The following LMTK3 variants were observed in gnomAD, a reference collection of about 807,000 sequenced individuals.
LMTK3 encodes lemur tail kinase 3, also known as serine/threonine-protein kinase LMTK3.
A neutral mutation model predicts 116.7 loss-of-function variants in LMTK3; 27 were observed. The ratio of observed to expected loss-of-function variants is 0.23; its 90% confidence interval spans 0.17 to 0.32. LMTK3 has a LOEUF of 0.32. LMTK3 is among the 10% of genes least tolerant of loss of function. The pLI is 1.00. For synonymous variants in LMTK3, 965 were observed against 971.0 expected, an observed-to-expected ratio of 0.99 and a Z score of 0.11; for missense variants, 1,764 against 2,068.5, an observed-to-expected ratio of 0.85 and a Z score of 2.86.
chr19:48,496,965 A>C (rs2147539449), intron 11 of LMTK3, among the ~76,000 whole-genome samples: 1 of 152,116 alleles, frequency 6.6e-6, no homozygotes, highest in South Asian at 2.1e-4. Context: ...CTGAAGCCCC[A>C]CTCTGCCTCC....
chr19:48,511,384 T>G, intron 1 of LMTK3, 117 bp downstream of exon 1: 2 of 357,066 alleles, frequency 5.6e-6, no homozygotes, highest in Non-Finnish European at 4.8e-6. Context: ...CCTGCTGGGC[T>G]GCGGGAAGAC....
chr19:48,498,637 C>T lies in LMTK3; in HGVS notation c.2432G>A (p.Gly811Glu). 1 of 1,541,882 alleles carries T rather than the reference C, an allele frequency of 6.5e-7. No homozygotes were observed. Among genetic ancestry groups the T allele is most frequent in the Middle Eastern group, 1.7e-4 (1 of 5,726 alleles). Reference sequence around the variant, plus strand: ...AGGGACCCCTTCCTCCTCGGCCGCCCCCCCACCTGGGAAGGCTCCCTCTGG... The same window carrying T: ...AGGGACCCCTTCCTCCTCGGCCGCCTCCCCACCTGGGAAGGCTCCCTCTGG... ...FSPEGAFPGGGAAEEEGVPRP... is the reference protein window; with the variant it reads ...FSPEGAFPGGEAAEEEGVPRP... The change falls in exon 11 of 15, where the codon GGG becomes GAG. Residue 811 changes from glycine (G) to glutamate (E), a missense_variant. Gly to Glu is a moderately conservative substitution (Grantham distance 98, BLOSUM62 -2). Around this residue, in one of 7 missense-constraint regions of LMTK3, gnomAD observed 1,028 missense variants for 1,050.6 expected, o/e 0.98. Coordinates refer to ENST00000600059, the MANE Select transcript of LMTK3 (RefSeq NM_001388485.1).
intron 14 of LMTK3, among the ~76,000 whole-genome samples, chr19:48,486,002 C>T (rs962697261): frequency 6.6e-6 from 1 of 151,764 alleles, no homozygotes; most frequent in African/African-American, 2.4e-5. Context: ...CGGTCCGACC[C>T]CTGGGTCTTT....
intron 5 of LMTK3, 91 bp downstream of exon 5, chr19:48,508,760 G>T: frequency 2.0e-6 from 2 of 985,948 alleles, no homozygotes; most frequent in Non-Finnish European, 3.3e-6. Flanking sequence ...AACCGGAAGA[G>T]GTAGATTCCA....
At chr19:48,489,642 G>C (rs988123585) in intron 14 of LMTK3, among the ~76,000 whole-genome samples, 4 of 152,212 alleles carry the variant, frequency 2.6e-5, no homozygotes, top group African/African-American at 9.7e-5. Flanking sequence ...GCGCTGTGCT[G>C]CATACTCGGG....
intron 1 of LMTK3, among the ~76,000 whole-genome samples, 166 bp downstream of exon 1, chr19:48,511,335 G>A (rs889588132): frequency 5.6e-5 from 8 of 143,898 alleles, no homozygotes; most frequent in Admixed American, 6.8e-5. Flanking sequence ...CCCTCCCACA[G>A]GCCCTGCTGA....
rs981820377 is a variant in LMTK3 at position 48,497,418 on chromosome 19, A to G, written c.3651T>C (p.Pro1217=). 1.2e-5 allele frequency: 18 copies of G among 1,534,174 alleles called. No individual in the cohort carries two copies. Among genetic ancestry groups the G allele is most frequent in the Non-Finnish European group, 1.6e-5 (18 of 1,144,198 alleles). ...CTTTGATCTGCTCGCTGTTCCCCTG[A>G]GGGGGTCCCAAGTCCAAGAATAGTC... ...MPRLFLDLGP[P]QGNSEQIKAR... is the part of the protein sequence containing the mutation. Residue 1217 remains proline (P), a synonymous_variant, in exon 11 of 15, where the codon CCT becomes CCC. Transcript: ENST00000600059. The surrounding 1 kb of genome is among the most constrained non-coding windows in gnomAD (Gnocchi z 5.7).
At chr19:48,496,119 G>T (rs1972317889) in intron 11 of LMTK3, among the ~76,000 whole-genome samples, 1 of 151,474 alleles carries the variant, frequency 6.6e-6, no homozygotes, top group Non-Finnish European at 1.5e-5. Context: ...GTTTTGTTTT[G>T]TTTTGTTTGA....
At chr19:48,503,967 A>G (rs1458889460) in intron 5 of LMTK3, among the ~76,000 whole-genome samples, 1 of 151,816 alleles carries the variant, frequency 6.6e-6, no homozygotes, top group Non-Finnish European at 1.5e-5. Context: ...TCCCGGGTTC[A>G]AGCGATTCTC....
chr19:48,511,565 G>A lies in LMTK3; in HGVS notation c.12C>T (p.Pro4=). 1 of 1,432,244 alleles carries A rather than the reference G, an allele frequency of 7.0e-7. No individual in the cohort carries two copies. Among genetic ancestry groups the A allele is most frequent in the South Asian group, 1.5e-5 (1 of 67,768 alleles). 88.7% of individuals were successfully genotyped at this position (1,432,244 alleles called of 1,614,324 possible). ...CGGCCGCAAGGAGGATGAGGGCGCC[G>A]GGGGCAGGCATCTTGTCGAGGATGG... MPA[P]GALILLAAVS... Residue 4 remains proline (P), a synonymous_variant, in exon 1 of 15, where the codon CCC becomes CCT. Transcript: ENST00000600059.
chr19:48,508,700 G>C, intron 5 of LMTK3, 151 bp downstream of exon 5: 1 of 693,532 alleles, frequency 1.4e-6, no homozygotes, highest in Non-Finnish European at 2.6e-6. Context: ...GCTCGGTCCA[G>C]AGGAAGAACC....
At position 48,510,061 on chromosome 19, in the gene LMTK3, A is replaced by G. The variant is rs1160639162; in HGVS notation, c.323T>C (p.Val108Ala). The G allele has an allele frequency of 6.2e-7, 1 of 1,613,554 alleles. No homozygotes were observed. The change falls in exon 3 of 15, where the codon GTC becomes GCC. Residue 108 changes from valine (V) to alanine (A), a missense_variant. Physicochemically the swap from Val to Ala is moderately conservative, Grantham distance 64 (BLOSUM62 0). Coordinates refer to ENST00000600059, the MANE Select transcript of LMTK3 (RefSeq NM_001388485.1). ...PDVYILPLAE[V>A]SLPMPAPQPS... The stretch of plus-strand genomic sequence containing the variant: ...CTGCGGGGCAGGCATTGGCAGGGAG[A>G]CCTCAGCCAGCGGGAGAATGTAGAC...
Position 48,501,377 on chromosome 19 carries a change from G to A in LMTK3, c.907C>T (p.Leu303=). The A allele has an allele frequency of 6.2e-7, 1 of 1,613,086 alleles. No homozygotes were observed. The highest frequency in any genetic ancestry group is 8.5e-7 in the Non-Finnish European group (1 of 1,179,728). The part of the protein sequence containing the change: ...KEDYYLTPER[L]WIPLRWAAPE... ...GCCGCCCAGCGCAGTGGGATCCACA[G>A]GCGCTCTGGGGTCAGGTAGTAGTCC... Residue 303 remains leucine (L), a synonymous_variant, in exon 9 of 15, where the codon CTG becomes TTG. Transcript: ENST00000600059.
chr19:48,492,230 C>T (rs1334452913), intron 12 of LMTK3, among the ~76,000 whole-genome samples: 2 of 152,176 alleles, frequency 1.3e-5, no homozygotes, highest in East Asian at 3.8e-4. Flanking sequence ...TCACTGTCGC[C>T]CAGGCTGGAG....
rs1400027318 is a variant in LMTK3, at chr19:48,500,045, G to A, written c.1152-128C>T. ...GGGTAACAGAGACCCAGAGAGAGGG[G>A]GACAGAGACCCAGAGAGAGGGGGAC... On this transcript the variant is annotated intron_variant, in intron 10 of 14. Transcript: ENST00000600059. The surrounding 1 kb of genome is among the most constrained non-coding windows in gnomAD (Gnocchi z 4.0). 5 of 861,080 alleles carry A rather than the reference G, an allele frequency of 5.8e-6. No homozygotes were observed. The Admixed American group carries it at 1.5e-4, about 26-fold the overall frequency. The allele number at this position is 861,080 out of a possible 1,614,324, so 53.3% of individuals were successfully genotyped here. A position where few individuals can be genotyped will look rare whatever the true frequency, so the allele number is the denominator to read the frequency against.
At chr19:48,503,651 C>T (rs1051000360) in intron 5 of LMTK3, among the ~76,000 whole-genome samples, 1 of 152,154 alleles carries the variant, frequency 6.6e-6, no homozygotes, top group African/African-American at 2.4e-5. Flanking sequence ...CTCTGTCGAT[C>T]CCCAGCACCC....
Position 48,499,365 on chromosome 19 carries a change from C to T in LMTK3, c.1704G>A (p.Gln568=). The T allele has an allele frequency of 1.4e-6, 2 of 1,425,742 alleles. No homozygotes were observed. The highest frequency in any genetic ancestry group is 1.8e-6 in the Non-Finnish European group (2 of 1,084,168). The allele number at this position is 1,425,742 out of a possible 1,614,324, so 88.3% of individuals were successfully genotyped here. A position where few individuals can be genotyped will look rare whatever the true frequency, so the allele number is the denominator to read the frequency against. ...GGACCTCGGAGGGGGCCTGGGGGGC[C>T]TGAGGGGCGGGCACTCCTGGGTCCA... ...DPLDPGVPAP[Q]APQAPSEVPQ... Residue 568 remains glutamine (Q), a synonymous_variant, in exon 11 of 15, where the codon CAG becomes CAA. Transcript: ENST00000600059.
At chr19:48,503,021 TTGGGAAGGCAGCCC>T in intron 5 of LMTK3, 25 bp from the exon 6 acceptor site, 1 of 1,501,332 alleles carries the variant, frequency 6.7e-7, no homozygotes, top group South Asian at 1.1e-5. Context: ...GGTGGCTGAG[TTGGGAAGGCAGCCC>T]CTTCCTCTTC....
At chr19:48,511,308 C>T (rs1972654586) in intron 1 of LMTK3, among the ~76,000 whole-genome samples, 193 bp downstream of exon 1, 2 of 152,038 alleles carry the variant, frequency 1.3e-5, no homozygotes, top group African/African-American at 4.8e-5. Context: ...GCCCCCTCCC[C>T]ACCCAGCCCC....
Sources: gnomAD v4.1 joint callset for allele counts (sites outside exome capture counted in the v4.1 genomes callset) on GRCh38, gnomAD v4.1.1 for gene constraint, gnomAD v4.1.1 regional missense constraint, Gnocchi (gnomAD v3.1) non-coding constraint, MANE v1.5 for transcripts, NCBI Gene and HGNC (gene_info 2026-07-23, HGNC 2026-07-21) for gene names.